The following PCDH15 variants were observed in gnomAD, a reference collection of about 807,000 sequenced individuals.
PCDH15 encodes protocadherin related 15, also known as protocadherin-15.
PCDH15 carries 129 observed loss-of-function variants against 178.5 expected under a neutral mutation model. The ratio of observed to expected loss-of-function variants is 0.72; its 90% CI spans 0.63 to 0.84. The LOEUF is 0.84. Ranked by LOEUF, PCDH15 falls within the 40% of genes least tolerant of loss-of-function variation. The probability of loss-of-function intolerance (pLI) is 0.00; values close to 1 mark genes in which losing one functional copy is unlikely to be tolerated. For synonymous variants in PCDH15, 800 were observed against 732.0 expected (o/e 1.09, Z -1.50); for missense variants, 2,230 against 2,099.9 (o/e 1.06, Z -1.21).
chr10:54,604,819 A>G (rs7901268), intron 2 of PCDH15, among the ~76,000 whole-genome samples: 117,810 of 151,420 alleles, frequency 0.78, 45,957 homozygotes, highest in Middle Eastern at 0.88. Flanking sequence ...TTCTTTCTTG[A>G]TGTCTTATTT....
At chr10:55,602,724 A>G (rs370377469) in intron 2 of PCDH15, among the ~76,000 whole-genome samples, 2 of 152,194 alleles carry the variant, frequency 1.3e-5, no homozygotes, top group East Asian at 1.9e-4. Context: ...CACCCACACC[A>G]AAAACCCATC....
chr10:55,529,326 GC>G, intron 2 of PCDH15, among the ~76,000 whole-genome samples: 1 of 152,166 alleles, frequency 6.6e-6, no homozygotes, highest in South Asian at 2.1e-4. Context: ...GAATGGTATT[GC>G]CTAGGCTTTC....
At chr10:54,368,563 C>CA (rs1251651574) in intron 5 of PCDH15, among the ~76,000 whole-genome samples, 1 of 151,898 alleles carries the variant, frequency 6.6e-6, no homozygotes, top group Non-Finnish European at 1.5e-5. Context: ...AGCAAAACAA[C>CA]AAACAAGCAT....
chr10:54,212,405 C>T (rs1419350989), intron 10 of PCDH15, among the ~76,000 whole-genome samples: 6 of 152,068 alleles, frequency 3.9e-5, no homozygotes. Context: ...TGGTCTGACG[C>T]TATACCTCAT....
At chr10:54,794,224 A>G (rs1368459126) in intron 1 of PCDH15, among the ~76,000 whole-genome samples, 1 of 150,812 alleles carries the variant, frequency 6.6e-6, no homozygotes, top group Non-Finnish European at 1.5e-5. Flanking sequence ...AACACACAGC[A>G]ATGCTCTTTG....
chr10:55,209,503 G>A (rs1236100595), intron 1 of PCDH15, among the ~76,000 whole-genome samples: 3 of 151,980 alleles, frequency 2.0e-5, no homozygotes, highest in Non-Finnish European at 4.4e-5. Context: ...GATGGATGAG[G>A]ACGTGAGGAA....
intron 2 of PCDH15, among the ~76,000 whole-genome samples, chr10:54,909,235 C>T (rs1954777960): frequency 6.6e-6 from 1 of 152,172 alleles, no homozygotes; most frequent in African/African-American, 2.4e-5. Flanking sequence ...CAGGCCTTCC[C>T]TGGCTTGAAG....
chr10:55,362,578 A>G (rs1845256250), intron 2 of PCDH15, among the ~76,000 whole-genome samples: 1 of 152,176 alleles, frequency 6.6e-6, no homozygotes, highest in African/African-American at 2.4e-5. Context: ...GTACAGTATC[A>G]CAACCATGAA....
At chr10:54,237,019 T>A in intron 8 of PCDH15, 88 bp from the exon 9 acceptor site, 1 of 1,108,816 alleles carries the variant, frequency 9.0e-7, no homozygotes, top group Non-Finnish European at 1.4e-6. Context: ...TGGAAATCTA[T>A]ATAACGTCTG....
chr10:55,294,584 G>T (rs2132271708), intron 1 of PCDH15, among the ~76,000 whole-genome samples: 1 of 152,222 alleles, frequency 6.6e-6, no homozygotes, highest in South Asian at 2.1e-4. Context: ...TTGTTATTAT[G>T]ATAATTTATT....
At chr10:55,613,626 T>C (rs1182774144) in intron 2 of PCDH15, among the ~76,000 whole-genome samples, 1 of 152,186 alleles carries the variant, frequency 6.6e-6, no homozygotes, top group Non-Finnish European at 1.5e-5. Flanking sequence ...CTTTTTCTGC[T>C]CTTATGAATT....
intron 25 of PCDH15, among the ~76,000 whole-genome samples, chr10:53,924,337 G>T (rs187319705): frequency 6.6e-6 from 1 of 152,224 alleles, no homozygotes; most frequent in Non-Finnish European, 1.5e-5. Flanking sequence ...CAGCAGCTGC[G>T]GAGGGTGCAC....
At chr10:54,132,528 C>T (rs182669041) in intron 15 of PCDH15, among the ~76,000 whole-genome samples, 7 of 152,258 alleles carry the variant, frequency 4.6e-5, no homozygotes, top group Non-Finnish European at 8.8e-5. Flanking sequence ...GGACAAAAGG[C>T]ATACAAGACA....
chr10:55,150,547 C>T (rs1838681141), intron 2 of PCDH15, among the ~76,000 whole-genome samples: 2 of 151,996 alleles, frequency 1.3e-5, no homozygotes, highest in South Asian at 2.1e-4. Flanking sequence ...ATTATTTGCA[C>T]ATACTAAAAC....
chr10:55,381,453 T>C (rs1182907099), intron 2 of PCDH15, among the ~76,000 whole-genome samples: 1 of 151,868 alleles, frequency 6.6e-6, no homozygotes, highest in Admixed American at 6.6e-5. Context: ...TGATTAGGAG[T>C]AGAAACAAGA....
intron 3 of PCDH15, among the ~76,000 whole-genome samples, chr10:54,888,423 A>T (rs1188257498): frequency 1.3e-5 from 2 of 151,614 alleles, no homozygotes; most frequent in Non-Finnish European, 3.0e-5. Context: ...TACAATTTAT[A>T]TATGTATATA....
intron 1 of PCDH15, among the ~76,000 whole-genome samples, chr10:54,730,589 C>T (rs1217968275): frequency 6.6e-6 from 1 of 151,160 alleles, no homozygotes; most frequent in Non-Finnish European, 1.5e-5. Flanking sequence ...CAAAGTAGAA[C>T]CCAGATATAA....
At chr10:55,339,429 G>C (rs996745711) in intron 2 of PCDH15, among the ~76,000 whole-genome samples, 2 of 152,080 alleles carry the variant, frequency 1.3e-5, no homozygotes, top group African/African-American at 4.8e-5. Context: ...GTATAAACAA[G>C]ATGTAAGGGT....
chr10:54,127,762 A>C (rs992071999), intron 15 of PCDH15, among the ~76,000 whole-genome samples: 1 of 152,174 alleles, frequency 6.6e-6, no homozygotes, highest in Admixed American at 6.5e-5. Context: ...GAATAAAATG[A>C]AACAGTTTTA....
Sources: gnomAD v4.1 joint callset for allele counts (sites outside exome capture counted in the v4.1 genomes callset) on GRCh38, gnomAD v4.1.1 for gene constraint, MANE v1.5 for transcripts, NCBI Gene and HGNC (gene_info 2026-07-23, HGNC 2026-07-21) for gene names.